The following HAVCR1 variants were observed in gnomAD, a reference collection of about 807,000 sequenced individuals.
HAVCR1 encodes hepatitis A virus cellular receptor 1, also known as T cell immunoglobin domain and mucin domain protein 1.
Under a neutral mutation model 32.0 loss-of-function variants are expected in HAVCR1, and 34 were observed. That is an observed-to-expected ratio of 1.06 (90% CI 0.81 to 1.42). The LOEUF (loss-of-function observed/expected upper bound fraction) is 1.42. HAVCR1 is among the 40% of genes most tolerant of loss of function. The pLI is 0.00. For missense variants in HAVCR1, 420 were observed against 442.3 expected (o/e 0.95, Z 0.45); for synonymous variants, 178 against 170.3 (o/e 1.05, Z -0.35).
chr5:157,057,051 T>C (rs992557410), intron 2 of HAVCR1, among the ~76,000 whole-genome samples: 8 of 151,974 alleles, frequency 5.3e-5, no homozygotes, highest in African/African-American at 1.9e-4. Context: ...GCGCGGTGAC[T>C]CACGCCTATA....
chr5:157,063,035 G>A (rs1462388875), upstream of HAVCR1, among the ~76,000 whole-genome samples: 2 of 150,524 alleles, frequency 1.3e-5, no homozygotes, highest in East Asian at 2.0e-4. Flanking sequence ...CAAGAGAATC[G>A]CTTGAACCTG....
At chr5:157,049,753 C>G (rs1755631179) in intron 4 of HAVCR1, among the ~76,000 whole-genome samples, 1 of 152,154 alleles carries the variant, frequency 6.6e-6, no homozygotes, top group Admixed American at 6.5e-5. Context: ...GATTTACAAC[C>G]CTAAAGGTAA....
chr5:157,032,804 T>C (rs1754252937), intron 8 of HAVCR1, 50 bp downstream of exon 8: 1 of 1,094,440 alleles, frequency 9.1e-7, no homozygotes. Flanking sequence ...ATTTTTATTT[T>C]ACCAGAGTAG....
chr5:157,037,580 C>CT (rs1343074777), intron 6 of HAVCR1, among the ~76,000 whole-genome samples: 1 of 152,194 alleles, frequency 6.6e-6, no homozygotes, highest in Non-Finnish European at 1.5e-5. Context: ...GAGGTGTTTT[C>CT]TAGCTTGCTT....
Position 157,057,887 on chromosome 5 carries a change from T to G in HAVCR1, c.46+11A>C. 4 of 1,604,448 alleles carry G rather than the reference T, an allele frequency of 2.5e-6. No individual in the cohort carries two copies. The highest frequency in any genetic ancestry group is 3.4e-6 in the Non-Finnish European group (4 of 1,172,916). ...CTCCCTTCTTCCCGCCCAGGGCACCTACTCACTTACCTGCCAGATGTAGGA... is the reference window on the plus strand; with the variant it reads ...CTCCCTTCTTCCCGCCCAGGGCACCGACTCACTTACCTGCCAGATGTAGGA... On this transcript the variant is annotated intron_variant, in intron 2 of 8. Coordinates refer to ENST00000523175, the MANE Select transcript of HAVCR1 (RefSeq NM_001173393.3).
In HAVCR1 at chr5:157,052,592, T is replaced by C. The variant is rs749317740; in HGVS notation, c.442A>G (p.Thr148Ala). Residue 148 changes from threonine to alanine, a missense_variant, in exon 4 of 9, where the codon ACC becomes GCC. Coordinates refer to ENST00000523175, the MANE Select transcript of HAVCR1 (RefSeq NM_001173393.3). ...VPTVTTVRTSTTVPTTTTVPM... is the reference protein window; with the variant it reads ...VPTVTTVRTSATVPTTTTVPM... ...ACAGTCGTTGTCGTTGGAACAGTGG[T>C]GCTCGTTCGAACAGTCGTGACGGTT... 1.9e-6 allele frequency: 3 copies of C among 1,612,148 alleles called. No homozygotes were observed. Among genetic ancestry groups the C allele is most frequent in the Non-Finnish European group, 2.5e-6 (3 of 1,178,568 alleles).
At chr5:157,055,108 C>T (rs1484482769) in intron 3 of HAVCR1, 93 bp downstream of exon 3, 18 of 666,978 alleles carry the variant, frequency 2.7e-5, no homozygotes, top group East Asian at 2.6e-5. Flanking sequence ...ACAGGACTTA[C>T]GGGAACCTCC....
At chr5:157,032,767 G>T in intron 8 of HAVCR1, 87 bp downstream of exon 8, 2 of 809,002 alleles carry the variant, frequency 2.5e-6, no homozygotes, top group Non-Finnish European at 4.3e-6. Flanking sequence ...GTATGCGATG[G>T]AGAGTTTAGG....
intron 8 of HAVCR1, among the ~76,000 whole-genome samples, chr5:157,030,875 T>C (rs1409326809): frequency 6.6e-6 from 1 of 152,220 alleles, no homozygotes; most frequent in African/African-American, 2.4e-5. Flanking sequence ...AGCTCCACTA[T>C]GGTCCCTAAA....
chr5:157,055,931 A>C (rs1756106169), intron 2 of HAVCR1, among the ~76,000 whole-genome samples: 1 of 151,384 alleles, frequency 6.6e-6, no homozygotes, highest in Admixed American at 6.6e-5. Context: ...AAAATATTTT[A>C]TTCATTTTTT....
At chr5:157,044,052 C>T (rs1050885809) in intron 5 of HAVCR1, among the ~76,000 whole-genome samples, 2 of 152,122 alleles carry the variant, frequency 1.3e-5, no homozygotes, top group African/African-American at 4.8e-5. Context: ...AAAGGCAAGG[C>T]CAGGCACAGT....
At chr5:157,057,459 GAAA>G (rs1756277949) in intron 2 of HAVCR1, among the ~76,000 whole-genome samples, 2 of 107,222 alleles carry the variant, frequency 1.9e-5, no homozygotes, top group African/African-American at 3.4e-5. Flanking sequence ...AAGAAAGAAA[GAAA>G]GAGAATTGAA....
upstream of HAVCR1, among the ~76,000 whole-genome samples, chr5:157,063,745 G>A (rs1411410772): frequency 6.6e-6 from 1 of 152,226 alleles, no homozygotes; most frequent in Non-Finnish European, 1.5e-5. Context: ...GGGTTGAGGA[G>A]GCACTGAGTT....
chr5:157,049,048 A>G lies in HAVCR1; in HGVS notation c.771T>C (p.Ser257=). 6.3e-7 allele frequency: 1 copy of G among 1,580,698 alleles called. No individual in the cohort carries two copies. The highest frequency in any genetic ancestry group is 8.7e-7 in the Non-Finnish European group (1 of 1,149,512). Residue 257 remains serine (S), a synonymous_variant, in exon 5 of 9, where the codon TCT becomes TCC. Coordinates refer to ENST00000523175, the MANE Select transcript of HAVCR1 (RefSeq NM_001173393.3). ...RREPTSSPLY[S]YTTDGNDTVT... is the part of the protein sequence containing the mutation. ...AGAGAACGCAGTTACCTGTTGTGTA[A>G]GAGTACAATGGTGAGCTGGTGGGTT...
chr5:157,056,986 A>C (rs571733799), intron 2 of HAVCR1, among the ~76,000 whole-genome samples: 3 of 152,108 alleles, frequency 2.0e-5, no homozygotes, highest in African/African-American at 7.2e-5. Flanking sequence ...TGGGAGAATC[A>C]CTTGAGCCCA....
At chr5:157,054,955 A>G (rs941758129) in intron 3 of HAVCR1, among the ~76,000 whole-genome samples, 23 of 152,154 alleles carry the variant, frequency 1.5e-4, no homozygotes, top group African/African-American at 5.1e-4. Flanking sequence ...CCTGGAAACA[A>G]TTTCCCATAG....
intron 6 of HAVCR1, among the ~76,000 whole-genome samples, chr5:157,039,507 C>T (rs1209972514): frequency 1.3e-5 from 2 of 152,152 alleles, no homozygotes; most frequent in Non-Finnish European, 2.9e-5. Context: ...CGCCACCACA[C>T]CCAGCTAATT....
At chr5:157,052,718 G>C in intron 3 of HAVCR1, 64 bp from the exon 4 acceptor site, 1 of 1,363,504 alleles carries the variant, frequency 7.3e-7, no homozygotes, top group South Asian at 1.3e-5. Context: ...CCTCAGGCTG[G>C]AACTGTACCC....
At chr5:157,037,695 G>A (rs1754619207) in intron 6 of HAVCR1, among the ~76,000 whole-genome samples, 1 of 152,050 alleles carries the variant, frequency 6.6e-6, no homozygotes, top group Admixed American at 6.6e-5. Flanking sequence ...AAGTCAATAG[G>A]CTATTTCCAC....
Sources: gnomAD v4.1 joint callset for allele counts (sites outside exome capture counted in the v4.1 genomes callset) on GRCh38, gnomAD v4.1.1 for gene constraint, MANE v1.5 for transcripts, NCBI Gene and HGNC (gene_info 2026-07-23, HGNC 2026-07-21) for gene names.